The following MICALL2 variants were observed in gnomAD, a reference collection of about 807,000 sequenced individuals.
The protein encoded by MICALL2 is MICAL like 2, also known as MICAL-like protein 2.
A neutral mutation model predicts 91.1 loss-of-function variants in MICALL2; 111 were observed. That is an observed-to-expected ratio of 1.22 (90% CI 1.04 to 1.43). The LOEUF is 1.43. Among genes scored for constraint, MICALL2 ranks in the 40% most tolerant of loss-of-function variants. The pLI, the probability that MICALL2 is intolerant of heterozygous loss-of-function variation, is 0.00. For synonymous variants in MICALL2, 694 were observed against 525.3 expected, an observed-to-expected ratio of 1.32 and a Z score of -4.39; for missense variants, 1,556 against 1,236.0, an observed-to-expected ratio of 1.26 and a Z score of -3.88.
At chr7:1,440,796 A>G in intron 7 of MICALL2, 112 bp from the exon 8 acceptor site, 1 of 887,050 alleles carries the variant, frequency 1.1e-6, no homozygotes, top group Admixed American at 2.0e-5. Flanking sequence ...CCACCCTCAG[A>G]CACCCCCACA....
At chr7:1,441,739 T>G in intron 7 of MICALL2, 2 of 199,724 alleles carry the variant, frequency 1.0e-5, no homozygotes, top group Non-Finnish European at 2.1e-5. Context: ...GGACGGGGCA[T>G]AGGGCACCAT....
intron 5 of MICALL2, 94 bp from the exon 6 acceptor site, chr7:1,445,522 T>C (rs1305861643): frequency 8.1e-7 from 1 of 1,238,678 alleles, no homozygotes; most frequent in Non-Finnish European, 1.1e-6. Flanking sequence ...TGCGGACTCC[T>C]GTGTCCACTT....
At position 1,438,154 on chromosome 7, in the gene MICALL2, C is replaced by T. The variant is rs544523440; in HGVS notation, c.2254G>A (p.Asp752Asn). Residue 752 changes from aspartate (D) to asparagine (N), a missense_variant, in exon 12 of 17, where the codon GAC becomes AAC. Asp to Asn is a conservative substitution (Grantham distance 23). Transcript: ENST00000297508. ...TCCACGCCGCGGAGCTCCAGGGCGT[C>T]CAGCCGCCTCTCGATGTCCTGCAGC... ...RQLQDIERRL[D>N]ALELRGVELE... is the part of the protein sequence containing the mutation. 5.1e-6 allele frequency: 8 copies of T among 1,562,124 alleles called. No individual in the cohort carries two copies. In the South Asian group the frequency reaches 9.4e-5, roughly 18 times the overall value.
chr7:1,436,551 C>CAA (rs59955608), intron 15 of MICALL2, among the ~76,000 whole-genome samples, 191 bp downstream of exon 15: 10 of 74,458 alleles, frequency 1.3e-4, no homozygotes, highest in Admixed American at 5.7e-4. Context: ...GACTCTGTCT[C>CAA]AAAAAAAAAA....
chr7:1,437,221 GC>G (rs1780016475), intron 14 of MICALL2: 2 of 500,730 alleles, frequency 4.0e-6, no homozygotes, highest in African/African-American at 4.1e-5. Context: ...CCTATGGCTC[GC>G]CCTGACTGCT....
chr7:1,435,051 C>T (rs771316227), intron 16 of MICALL2, 50 bp downstream of exon 16: 23 of 1,598,982 alleles, frequency 1.4e-5, no homozygotes, highest in East Asian at 1.1e-4. Flanking sequence ...TCAGCATCCC[C>T]GGCCCACCCA....
At chr7:1,450,417 T>G in intron 1 of MICALL2, 129 bp from the exon 2 acceptor site, 1 of 780,210 alleles carries the variant, frequency 1.3e-6, no homozygotes, top group South Asian at 1.5e-5. Flanking sequence ...AGGAATGAGG[T>G]GGCACAGGAC....
rs1304829611 is a variant in MICALL2 at position 1,448,654 on chromosome 7, G to T, written c.300C>A (p.Ser100=). The T allele has an allele frequency of 1.9e-6, 3 of 1,612,634 alleles. No individual in the cohort carries two copies. In the African/African-American group the frequency reaches 4.0e-5, roughly 22 times the overall value. ...PDRLSILTYV[S]QYYNYFHGRS... ...GGCCGTGGAAGTAGTTGTAATACTG[G>T]GACACGTAGGTCAAGATGCTCAGCC... Residue 100 remains serine, a synonymous_variant, in exon 3 of 17, where the codon TCC becomes TCA. Coordinates refer to ENST00000297508, the MANE Select transcript of MICALL2 (RefSeq NM_182924.4).
intron 8 of MICALL2, chr7:1,440,329 T>TG (rs1310404404): frequency 4.8e-6 from 3 of 622,056 alleles, no homozygotes; most frequent in Non-Finnish European, 8.4e-6. Context: ...GACCCACACA[T>TG]GGGGAGACTC....
Position 1,437,908 on chromosome 7 carries a change from T to G in MICALL2, c.2384A>C (p.Glu795Ala), listed in dbSNP as rs1454290017. ...IHEKQLLLRQ[E>A]SELMYKSKAQ... ...CTCTCACTTGTACATCAGCTCTGACTCCTGTCTCAGCAGAAGCTGCTTCTC... is the reference window on the plus strand; with the variant it reads ...CTCTCACTTGTACATCAGCTCTGACGCCTGTCTCAGCAGAAGCTGCTTCTC... Residue 795 changes from glutamate to alanine, a missense_variant, in exon 13 of 17, where the codon GAG becomes GCG. By Grantham distance (107) the Glu-to-Ala change is moderately radical (BLOSUM62 -1). Transcript: ENST00000297508. The G allele has an allele frequency of 1.9e-6, 3 of 1,549,064 alleles. No homozygotes were observed. Among genetic ancestry groups the G allele is most frequent in the Non-Finnish European group, 2.6e-6 (3 of 1,146,830 alleles).
chr7:1,450,226 C>CGGGG lies in MICALL2; in HGVS notation c.192+10_192+13dup, dbSNP rs747131417. On this transcript the variant is annotated intron_variant, in intron 2 of 16. Coordinates refer to ENST00000297508, the MANE Select transcript of MICALL2 (RefSeq NM_182924.4). ...GGCTAAGCCAGCTGTGAGGCCGGGG[C>CGGGG]GGGGGCCACTCACCAGTTTATTGTT... is the stretch of plus-strand genomic sequence containing the variant. 1.2e-6 allele frequency: 2 copies of CGGGG among 1,610,740 alleles called. No individual in the cohort carries two copies. The highest frequency in any genetic ancestry group is 1.7e-6 in the Non-Finnish European group (2 of 1,178,710).
intron 1 of MICALL2, among the ~76,000 whole-genome samples, chr7:1,453,954 T>C (rs969954570): frequency 1.3e-5 from 2 of 152,202 alleles, no homozygotes; most frequent in African/African-American, 4.8e-5. Context: ...AGATTTGCCC[T>C]GGCCAACTCT....
At chr7:1,438,684 G>A in intron 10 of MICALL2, 156 bp downstream of exon 10, 3 of 1,458,694 alleles carry the variant, frequency 2.1e-6, no homozygotes, top group South Asian at 1.4e-5. Flanking sequence ...ATTCATGAGG[G>A]CGGGCCTGGG....
At chr7:1,450,670 C>A (rs1251771990) in intron 1 of MICALL2, 1 of 200,632 alleles carries the variant, frequency 5.0e-6, no homozygotes, top group African/African-American at 2.3e-5. Context: ...CGCTTGGTGA[C>A]CAGGTGGGTC....
At chr7:1,447,927 G>A in intron 3 of MICALL2, 162 bp from the exon 4 acceptor site, 1 of 505,118 alleles carries the variant, frequency 2.0e-6, no homozygotes, top group Non-Finnish European at 3.4e-6. Flanking sequence ...TTCTGGCACA[G>A]CCCCGGGTCG....
At chr7:1,459,096 C>T in intron 1 of MICALL2, 88 bp downstream of exon 1, 2 of 1,388,826 alleles carry the variant, frequency 1.4e-6, no homozygotes, top group South Asian at 1.4e-5. Flanking sequence ...GGCTCCCCAT[C>T]CCCCAGCCGC....
At chr7:1,445,922 G>T (rs1780554070) in intron 5 of MICALL2, among the ~76,000 whole-genome samples, 1 of 151,690 alleles carries the variant, frequency 6.6e-6, no homozygotes, top group African/African-American at 2.4e-5. Context: ...GCAAGGGGCT[G>T]GGGATGGCCA....
chr7:1,457,008 C>T (rs1007249799), intron 1 of MICALL2, among the ~76,000 whole-genome samples: 17 of 152,130 alleles, frequency 1.1e-4, no homozygotes, highest in South Asian at 2.1e-4. Context: ...GGCCGGACTC[C>T]GACATCAAGG....
At chr7:1,440,322 C>T in intron 8 of MICALL2, 4 of 627,286 alleles carry the variant, frequency 6.4e-6, no homozygotes, top group Non-Finnish European at 1.1e-5. Context: ...CCCACGGGAC[C>T]CACACATGGG....
Sources: gnomAD v4.1 joint callset for allele counts (sites outside exome capture counted in the v4.1 genomes callset) on GRCh38, gnomAD v4.1.1 for gene constraint, MANE v1.5 for transcripts, NCBI Gene and HGNC (gene_info 2026-07-23, HGNC 2026-07-21) for gene names.